Variants in NOD1 observed in about 807,000 individuals in gnomAD.
The protein encoded by NOD1 is nucleotide-binding oligomerization domain-containing protein 1.
Under a neutral mutation model 81.2 loss-of-function variants are expected in NOD1, and 70 were observed. The observed-to-expected ratio is 0.86, with a 90% confidence interval of 0.71 to 1.05. The LOEUF is 1.05. Ranked by LOEUF, NOD1 falls within the 50% of genes least tolerant of loss-of-function variation. The pLI is 0.00. For synonymous variants in NOD1, 508 were observed against 526.9 expected (o/e 0.96, Z 0.49); for missense variants, 1,233 against 1,228.0 (o/e 1.00, Z -0.06).
chr7:30,448,922 G>A (rs1397995482), intron 6 of NOD1, among the ~76,000 whole-genome samples: 1 of 152,176 alleles, frequency 6.6e-6, no homozygotes, highest in Non-Finnish European at 1.5e-5. Context: ...GGCTAACCCT[G>A]ATTTGTCACT....
intron 3 of NOD1, among the ~76,000 whole-genome samples, chr7:30,457,632 G>A (rs892740560): frequency 3.9e-5 from 6 of 152,140 alleles, no homozygotes; most frequent in Non-Finnish European, 8.8e-5. Context: ...CTGGGATAGA[G>A]ATGGAAAGGT....
intron 7 of NOD1, 199 bp from the exon 8 acceptor site, chr7:30,447,249 C>A: frequency 2.7e-6 from 2 of 746,468 alleles, no homozygotes; most frequent in Admixed American, 2.4e-5. Context: ...GCTTTATGGC[C>A]TGAGACAAGT....
At chr7:30,464,220 C>T (rs777924859) in intron 1 of NOD1, among the ~76,000 whole-genome samples, 6 of 152,224 alleles carry the variant, frequency 3.9e-5, no homozygotes, top group Admixed American at 6.5e-5. Flanking sequence ...TTCCTCGGCC[C>T]GGCCATGCCT....
At chr7:30,445,652 G>T (rs1045314906) in intron 9 of NOD1, among the ~76,000 whole-genome samples, 3 of 150,878 alleles carry the variant, frequency 2.0e-5, no homozygotes, top group African/African-American at 7.3e-5. Context: ...CCAGCTACTC[G>T]TGTGGCTGAG....
At position 30,436,011 on chromosome 7, in the gene NOD1, G is replaced by C; in HGVS notation, c.2608C>G (p.Leu870Val). 2 of 1,613,600 alleles carry C rather than the reference G, an allele frequency of 1.2e-6. No homozygotes were observed. Among genetic ancestry groups the C allele is most frequent in the Non-Finnish European group, 1.7e-6 (2 of 1,179,500 alleles). The change falls in exon 11 of 14, where the codon CTA (leucine) becomes GTA (valine). Residue 870 changes from leucine (L) to valine (V), a missense_variant. Leu to Val is a conservative substitution (Grantham distance 32, BLOSUM62 1). Transcript: ENST00000222823. ...TCGAGCTATTACCACAGTATTTCTA[G>C]AGACGTGTTCTGCTGCAGGGCCCTC... ...LARALQQNTSLEILWLTQNEL... is the reference protein window; with the variant it reads ...LARALQQNTSVEILWLTQNEL...
intron 10 of NOD1, among the ~76,000 whole-genome samples, chr7:30,436,752 G>A (rs150178516): frequency 6.6e-6 from 1 of 152,306 alleles, no homozygotes; most frequent in East Asian, 1.9e-4. Context: ...CTGTCTTGAT[G>A]GGGGTGGTGG....
At position 30,452,394 on chromosome 7, in the gene NOD1, C is replaced by A. The variant is rs1046076147; in HGVS notation, c.1023G>T (p.Gln341His). 1.2e-6 allele frequency: 2 copies of A among 1,613,278 alleles called. No homozygotes were observed. Among genetic ancestry groups the A allele is most frequent in the African/African-American group, 2.7e-5 (2 of 74,942 alleles). Residue 341 changes from glutamine (Q) to histidine (H), a missense_variant, in exon 6 of 14, where the codon CAG becomes CAT. Transcript: ENST00000222823. Reference sequence around the variant, plus strand: ...GGAGAAGCACCTTCTTCCGCAGGAACTGGCGCGGGACCTCGATGCCTGTGC... The same window carrying A: ...GGAGAAGCACCTTCTTCCGCAGGAAATGGCGCGGGACCTCGATGCCTGTGC... ...TARTGIEVPRQFLRKKVLLRG... is the reference protein window; with the variant it reads ...TARTGIEVPRHFLRKKVLLRG...
chr7:30,455,311 C>G lies in NOD1; in HGVS notation c.202G>C (p.Val68Leu), dbSNP rs1330165648. The change falls in exon 5 of 14, where the codon GTC becomes CTC. Residue 68 changes from valine to leucine, a missense_variant and splice_region_variant. Coordinates refer to ENST00000222823, the MANE Select transcript of NOD1 (RefSeq NM_006092.4). ...TGTACCAGGTCCAGAATTTTGCGGA[C>G]CTGGAGGTGACACAAGCATGAGGGC... ...VCACPTQPDKVRKILDLVQSK... is the reference protein window; with the variant it reads ...VCACPTQPDKLRKILDLVQSK... 6.2e-7 allele frequency: 1 copy of G among 1,611,348 alleles called. No homozygotes were observed. Among genetic ancestry groups the G allele is most frequent in the African/African-American group, 1.3e-5 (1 of 74,852 alleles).
chr7:30,457,269 T>C (rs1464945782), intron 3 of NOD1, among the ~76,000 whole-genome samples: 2 of 151,994 alleles, frequency 1.3e-5, no homozygotes, highest in African/African-American at 2.4e-5. Context: ...CTGTGCAACA[T>C]AGTGAGACAC....
chr7:30,463,649 C>T (rs1787383435), intron 1 of NOD1: 1 of 152,452 alleles, frequency 6.6e-6, no homozygotes, highest in Admixed American at 6.5e-5. Flanking sequence ...TTTCCTTGCA[C>T]TGTCCCAGGG....
chr7:30,446,428 G>C, intron 8 of NOD1: 1 of 579,566 alleles, frequency 1.7e-6, no homozygotes. Context: ...TCCTCTCCAG[G>C]AGATGGTCCA....
chr7:30,472,777 C>T, intron 1 of NOD1, among the ~76,000 whole-genome samples: 1 of 152,236 alleles, frequency 6.6e-6, no homozygotes, highest in East Asian at 1.9e-4. Flanking sequence ...AGGTCTCACA[C>T]TTCCAGCCTG....
Position 30,433,087 on chromosome 7 carries a change from C to G in NOD1, c.2705+9G>C. On this transcript the variant is annotated intron_variant, in intron 12 of 13. Coordinates refer to ENST00000222823, the MANE Select transcript of NOD1 (RefSeq NM_006092.4). Reference sequence around the variant, plus strand: ...GCACAGTCTGAAATTGTAAGGCTCTCTGAGTTACCATAAATGCTTTAACGT... The same window carrying G: ...GCACAGTCTGAAATTGTAAGGCTCTGTGAGTTACCATAAATGCTTTAACGT... The G allele has an allele frequency of 6.3e-7, 1 of 1,598,770 alleles. No homozygotes were observed. The highest frequency in any genetic ancestry group is 8.6e-7 in the Non-Finnish European group (1 of 1,166,310).
intron 9 of NOD1, 143 bp downstream of exon 9, chr7:30,445,998 C>T: frequency 2.9e-6 from 2 of 686,676 alleles, no homozygotes; most frequent in Non-Finnish European, 5.2e-6. Flanking sequence ...AGTTTCGCAG[C>T]ATGGTGAAAG....
At chr7:30,448,874 C>G (rs539360944) in intron 6 of NOD1, among the ~76,000 whole-genome samples, 1 of 152,300 alleles carries the variant, frequency 6.6e-6, no homozygotes, top group African/African-American at 2.4e-5. Context: ...CTGTTATACC[C>G]AAAATGCCAA....
In NOD1 at chr7:30,451,799, G is replaced by GCTC. The variant is rs756341319; in HGVS notation, c.1615_1617dup (p.Glu539dup). ...ATCCACTCCTGGAAGAACCTGAGCA[G>GCTC]CTCCTGAGTGCCCACCCTGTCGTCC... On this transcript the variant is annotated inframe_insertion, in exon 6 of 14. Coordinates refer to ENST00000222823, the MANE Select transcript of NOD1 (RefSeq NM_006092.4). This position sits in a 1 kb window ranked among gnomAD's most constrained non-coding sequence, Gnocchi z 4.2. 96 of 1,613,690 alleles carry GCTC rather than the reference G, an allele frequency of 5.9e-5. No individual in the cohort carries two copies. Among genetic ancestry groups the GCTC allele is most frequent in the Middle Eastern group, 1.6e-4 (1 of 6,084 alleles).
intron 8 of NOD1, 111 bp from the exon 9 acceptor site, chr7:30,446,335 CTTT>C (rs1025300173): frequency 1.2e-6 from 1 of 828,440 alleles, no homozygotes; most frequent in Non-Finnish European, 2.1e-6. Flanking sequence ...GAACCGTACA[CTTT>C]CTTCTGGGAT....
intron 1 of NOD1, among the ~76,000 whole-genome samples, chr7:30,461,470 A>G (rs1401891512): frequency 1.3e-5 from 2 of 151,892 alleles, no homozygotes; most frequent in African/African-American, 4.8e-5. Flanking sequence ...GAGCCACTGC[A>G]CCCAGCCCAT....
Position 30,446,221 on chromosome 7 carries a change from C to A in NOD1, c.2373G>T (p.Leu791=), listed in dbSNP as rs778435732. ...DECKGLTHLK[L]GKNKITSEGG... ...CTTCACTTGTTATTTTGTTTTTTCC[C>A]AGTCTGCAGAGAGAGTCACACACAG... The change falls in exon 9 of 14, where the codon CTG becomes CTT. Residue 791 remains leucine, a synonymous_variant. Coordinates refer to ENST00000222823, the MANE Select transcript of NOD1 (RefSeq NM_006092.4). 2 of 1,613,644 alleles carry A rather than the reference C, an allele frequency of 1.2e-6. No individual in the cohort carries two copies. Among genetic ancestry groups the A allele is most frequent in the Middle Eastern group, 1.6e-4 (1 of 6,062 alleles).
Sources: allele counts gnomAD v4.1 joint callset (sites outside exome capture counted in the v4.1 genomes callset), GRCh38; gene constraint gnomAD v4.1.1; non-coding constraint Gnocchi (gnomAD v3.1); transcripts MANE v1.5; gene names NCBI Gene and HGNC (gene_info 2026-07-23, HGNC 2026-07-21).